SREK1: variants seen among roughly 807,000 people sequenced by gnomAD.
SREK1 encodes splicing regulatory glutamic acid and lysine rich protein 1.
In SREK1, 13 loss-of-function variants were observed where a neutral mutation model predicts 66.5. The observed-to-expected ratio is 0.20, with a 90% CI of 0.13 to 0.31. The LOEUF (loss-of-function observed/expected upper bound fraction) is 0.31. Ranked by LOEUF, SREK1 falls within the 10% of genes least tolerant of loss-of-function variation. The pLI is 1.00. For synonymous variants in SREK1, 265 were observed against 263.5 expected (o/e 1.01, Z -0.05); for missense variants, 607 against 769.6 (o/e 0.79, Z 2.50).
At chr5:66,146,991 G>A (rs1242704310) in intron 1 of SREK1, among the ~76,000 whole-genome samples, 2 of 152,078 alleles carry the variant, frequency 1.3e-5, no homozygotes, top group African/African-American at 4.8e-5. Context: ...GGCTGAGGTG[G>A]GAGAACAGCT....
At chr5:66,156,767 GA>G in intron 2 of SREK1, 10 of 985,312 alleles carry the variant, frequency 1.0e-5, no homozygotes, top group Non-Finnish European at 1.2e-5. Context: ...GACTTATGAA[GA>G]CTTTTTGTTG....
Position 66,170,732 on chromosome 5 carries a change from G to GGACCGGGAAAAA in SREK1, c.1273_1284dup (p.Arg425_Asp428dup), listed in dbSNP as rs1254782502. 2 of 1,601,652 alleles carry GGACCGGGAAAAA rather than the reference G, an allele frequency of 1.2e-6. No individual in the cohort carries two copies. The highest frequency in any genetic ancestry group is 2.3e-5 in the East Asian group (1 of 44,444). On this transcript the variant is annotated inframe_insertion, in exon 9 of 12. Transcript: ENST00000334121. ...AAGACCGGGACAAGGAACGGGAAAAGGACCGGGAAAAAGACAAGGAAAAGG... is the reference window on the plus strand; with the variant it reads ...AAGACCGGGACAAGGAACGGGAAAAGGACCGGGAAAAAGACCGGGAAAAAGACAAGGAAAAGG...
rs1746453918 is a variant in SREK1 at position 66,181,172 on chromosome 5, A to G, written c.*2304A>G. On this transcript the variant is annotated 3_prime_UTR_variant, in exon 12 of 12. Transcript: ENST00000334121. ...GAAACACTGATTTGTAAAAACTAAG[A>G]ATGAGTAGGAATACAAGAGATCTGG... 1 of 152,220 alleles carries G rather than the reference A, an allele frequency of 6.6e-6. No individual in the cohort carries two copies. The highest frequency in any genetic ancestry group is 2.4e-5 in the African/African-American group (1 of 41,462). 9.4% of individuals were successfully genotyped at this position (152,220 alleles called of 1,614,324 possible).
chr5:66,182,497 G>A lies in SREK1; in HGVS notation c.*3629G>A, dbSNP rs1480286081. On this transcript the variant is annotated 3_prime_UTR_variant, in exon 12 of 12. Coordinates refer to ENST00000334121, the MANE Select transcript of SREK1 (RefSeq NM_001077199.3). Reference sequence around the variant, plus strand: ...AAATTGACTTCCCTACTTAATCTTGGGTTTGTGGGTGAGTTTGTTTTTAGT... The same window carrying A: ...AAATTGACTTCCCTACTTAATCTTGAGTTTGTGGGTGAGTTTGTTTTTAGT... 1 of 151,934 alleles carries A rather than the reference G, an allele frequency of 6.6e-6. No individual in the cohort carries two copies. Among genetic ancestry groups the A allele is most frequent in the African/African-American group, 2.4e-5 (1 of 41,346 alleles). The allele number at this position is 151,934 out of a possible 1,614,324, so 9.4% of individuals were successfully genotyped here. A position where few individuals can be genotyped will look rare whatever the true frequency, so the allele number is the denominator to read the frequency against.
At chr5:66,147,214 A>G (rs953120242) in intron 1 of SREK1, among the ~76,000 whole-genome samples, 9 of 152,352 alleles carry the variant, frequency 5.9e-5, no homozygotes, top group African/African-American at 2.2e-4. Context: ...CACTGTAAGC[A>G]TTAAGAATTC....
intron 7 of SREK1, chr5:66,169,427 A>G (rs907530096): frequency 6.6e-6 from 1 of 152,200 alleles, no homozygotes. Flanking sequence ...ATGCGTGTGT[A>G]TATATAGAAT....
chr5:66,144,893 A>G (rs544353601), intron 1 of SREK1: 1 of 1,008,794 alleles, frequency 9.9e-7, no homozygotes, highest in Non-Finnish European at 1.2e-6. Context: ...CTCATGGCAA[A>G]CGTCTCAGAG....
At chr5:66,169,858 G>T in intron 7 of SREK1, 193 bp from the exon 8 acceptor site, 1 of 392,798 alleles carries the variant, frequency 2.5e-6, no homozygotes, top group South Asian at 7.2e-5. Context: ...TAAATTCTTT[G>T]TTTCTGTCTC....
At chr5:66,153,302 C>CT (rs2111966882) in intron 1 of SREK1, among the ~76,000 whole-genome samples, 161 bp from the exon 2 acceptor site, 1 of 152,242 alleles carries the variant, frequency 6.6e-6, no homozygotes, top group African/African-American at 2.4e-5. Context: ...CATTAAATGA[C>CT]TAAGTTTCAC....
intron 2 of SREK1, chr5:66,156,187 A>C: frequency 3.8e-6 from 5 of 1,312,180 alleles, no homozygotes; most frequent in Admixed American, 3.8e-5. Context: ...TCTGAACCGC[A>C]GAAGATGGAC....
chr5:66,171,359 A>T (rs1354093730), intron 9 of SREK1, among the ~76,000 whole-genome samples: 1 of 152,118 alleles, frequency 6.6e-6, no homozygotes, highest in Non-Finnish European at 1.5e-5. Context: ...TTGTCACCTA[A>T]GTTAATTTTT....
At chr5:66,168,180 G>A (rs1056314440) in intron 7 of SREK1, 1 of 151,820 alleles carries the variant, frequency 6.6e-6, no homozygotes, top group Admixed American at 6.6e-5. Context: ...CAGCCAAATA[G>A]TAGATGAGTA....
rs1274066639 is a variant in SREK1 at position 66,181,902 on chromosome 5, G to A, written c.*3034G>A. 3 of 60,280 alleles carry A rather than the reference G, an allele frequency of 5.0e-5. No homozygotes were observed. The highest frequency in any genetic ancestry group is 4.2e-4 in the African/African-American group (3 of 7,152). The allele number at this position is 60,280 out of a possible 1,614,324, so 3.7% of individuals were successfully genotyped here. On this transcript the variant is annotated 3_prime_UTR_variant, in exon 12 of 12. Coordinates refer to ENST00000334121, the MANE Select transcript of SREK1 (RefSeq NM_001077199.3). The stretch of plus-strand genomic sequence containing the variant: ...TTATAATGAAAAGGTTTTTTTGTCG[G>A]GGGGGGGGGGGTCAAGAGAATTTAT...
At chr5:66,144,668 C>G in intron 1 of SREK1, 131 bp downstream of exon 1, 1 of 1,403,506 alleles carries the variant, frequency 7.1e-7, no homozygotes, top group East Asian at 2.6e-5. Flanking sequence ...CCTTGGTGCC[C>G]ATATTTGATT....
At chr5:66,172,824 A>ATTTTTTTTTTT (rs762670649) in intron 9 of SREK1, among the ~76,000 whole-genome samples, 1 of 118,234 alleles carries the variant, frequency 8.5e-6, no homozygotes, top group East Asian at 2.5e-4. Context: ...ATTTCTTTGA[A>ATTTTTTTTTTT]TTTTTTTTTT....
chr5:66,170,110 C>A lies in SREK1; in HGVS notation c.1061C>A (p.Pro354Gln), dbSNP rs1006836605. The stretch of plus-strand genomic sequence containing the variant: ...AAAGACAGACGTAGATCTAAGAGCC[C>A]ACATAAAAAACGCTCTAAATCAAGG... ...RQKDRRRSKS[P>Q]HKKRSKSRER... The change falls in exon 8 of 12, where the codon CCA becomes CAA. Residue 354 changes from proline (P) to glutamine (Q), a missense_variant. Pro to Gln is a moderately conservative substitution (Grantham distance 76). This residue lies in a region of SREK1 where 112 missense variants were observed against 168.6 expected (regional missense o/e 0.66). Transcript: ENST00000334121. The A allele has an allele frequency of 1.9e-6, 3 of 1,612,802 alleles. No homozygotes were observed. In the African/African-American group the frequency reaches 4.0e-5, roughly 22 times the overall value.
Position 66,163,538 on chromosome 5 carries a change from G to C in SREK1, c.756-254G>C, listed in dbSNP as rs191901671. 341 of 310,684 alleles carry C rather than the reference G, an allele frequency of 1.1e-3. 2 individuals carry two copies. The highest frequency in any genetic ancestry group is 6.9e-3 in the African/African-American group (319 of 46,048). 19.2% of individuals were successfully genotyped at this position (310,684 alleles called of 1,614,324 possible). A position where few individuals can be genotyped will look rare whatever the true frequency, so the allele number is the denominator to read the frequency against. ...AAGCTATGGAAAAGCACTTCATCTA[G>C]TCTGTTTGAATTAAGTTAGCTAGGG... On this transcript the variant is annotated intron_variant, in intron 5 of 11. Coordinates refer to ENST00000334121, the MANE Select transcript of SREK1 (RefSeq NM_001077199.3).
In SREK1 at chr5:66,178,882, A is replaced by G; in HGVS notation, c.*14A>G. ...GAAGCAGTATAGGACCGACAAGTGT[A>G]CCTCTGCACTCAATGCTGGAATCAA... On this transcript the variant is annotated 3_prime_UTR_variant, in exon 12 of 12. Transcript: ENST00000334121. The G allele has an allele frequency of 6.3e-7, 1 of 1,579,816 alleles. No individual in the cohort carries two copies. Among genetic ancestry groups the G allele is most frequent in the Non-Finnish European group, 8.6e-7 (1 of 1,162,378 alleles).
chr5:66,179,086 T>A lies in SREK1; in HGVS notation c.*218T>A. ...ACAGATGTTACCCAAACTCATCTTCTAAAATCTGTGCATTTCCATGGTGGC... is the reference window on the plus strand; with the variant it reads ...ACAGATGTTACCCAAACTCATCTTCAAAAATCTGTGCATTTCCATGGTGGC... On this transcript the variant is annotated 3_prime_UTR_variant, in exon 12 of 12. Transcript: ENST00000334121. 1 of 387,172 alleles carries A rather than the reference T, an allele frequency of 2.6e-6. No homozygotes were observed. Among genetic ancestry groups the A allele is most frequent in the Non-Finnish European group, 4.4e-6 (1 of 224,940 alleles). The allele number at this position is 387,172 out of a possible 1,614,324, so 24.0% of individuals were successfully genotyped here. A position where few individuals can be genotyped will look rare whatever the true frequency, so the allele number is the denominator to read the frequency against.
Sources: allele counts gnomAD v4.1 joint callset (sites outside exome capture counted in the v4.1 genomes callset), GRCh38; gene constraint gnomAD v4.1.1; regional missense constraint gnomAD v4.1.1; transcripts MANE v1.5; gene names NCBI Gene and HGNC (gene_info 2026-07-23, HGNC 2026-07-21).